ENOX1: variants seen among roughly 807,000 people sequenced by gnomAD.
ENOX1 encodes the protein ecto-NOX disulfide-thiol exchanger 1.
In ENOX1, 42 loss-of-function variants were observed where a neutral mutation model predicts 82.5. The ratio of observed to expected loss-of-function variants is 0.51; its 90% confidence interval spans 0.40 to 0.66. The LOEUF is 0.66. Among genes scored for constraint, ENOX1 ranks in the 30% least tolerant of loss-of-function variants. ENOX1 has a pLI of 0.00. For synonymous variants in ENOX1, 271 were observed against 282.2 expected, an observed-to-expected ratio of 0.96 and a Z score of 0.40; for missense variants, 608 against 811.6, an observed-to-expected ratio of 0.75 and a Z score of 3.05.
chr13:43,744,768 C>T (rs912752128), intron 1 of ENOX1, among the ~76,000 whole-genome samples: 1 of 152,102 alleles, frequency 6.6e-6, no homozygotes, highest in Admixed American at 6.6e-5. Context: ...GCCAACAGTA[C>T]TATAGGGGTC....
intron 5 of ENOX1, among the ~76,000 whole-genome samples, chr13:43,370,110 G>A (rs1394918576): frequency 2.0e-5 from 3 of 152,356 alleles, no homozygotes; most frequent in South Asian, 4.1e-4. Flanking sequence ...GCTCATGCCT[G>A]TAATCCCAGC....
intron 11 of ENOX1, among the ~76,000 whole-genome samples, chr13:43,315,463 G>A (rs929873251): frequency 1.4e-4 from 21 of 150,766 alleles, no homozygotes; most frequent in African/African-American, 4.8e-4. Context: ...TCTCTCCTGT[G>A]TTTAGGAAAG....
chr13:43,327,060 C>G (rs1482423737), intron 9 of ENOX1, among the ~76,000 whole-genome samples: 7 of 152,162 alleles, frequency 4.6e-5, no homozygotes, highest in African/African-American at 1.7e-4. Flanking sequence ...CATGTCTCCC[C>G]TCAATCTCAG....
intron 15 of ENOX1, among the ~76,000 whole-genome samples, chr13:43,227,505 C>T (rs1027001729): frequency 1.1e-4 from 16 of 152,178 alleles, no homozygotes; most frequent in African/African-American, 3.9e-4. Flanking sequence ...CAAGTAGTAA[C>T]AGATCTTTCA....
At chr13:43,266,644 G>T (rs1185558371) in intron 13 of ENOX1, among the ~76,000 whole-genome samples, 2 of 152,246 alleles carry the variant, frequency 1.3e-5, no homozygotes, top group South Asian at 2.1e-4. Flanking sequence ...GGGGAGCATG[G>T]GCGATGTATG....
Position 43,325,785 on chromosome 13 carries a change from C to T in ENOX1, c.1143+634G>A, listed in dbSNP as rs528637746. 3.3e-5 allele frequency among the ~76,000 whole-genome samples: 5 copies of T among 152,202 alleles called. No individual in the cohort carries two copies. The East Asian group carries it at 5.8e-4, about 18-fold the overall frequency. On this transcript the variant is annotated intron_variant, in intron 10 of 16. Transcript: ENST00000690772. ...TGTGGAGTTAAAAATAACAGCTGGA[C>T]GACCAGTGACTAATGACACATTTTG...
rs148856299 is a variant in ENOX1, at chr13:43,754,590, G to GT, written c.-285+32061dup. ...TTGTATCTTTTAATTTTAGCAGCTT[G>GT]TTTTTTTTTTTAGAGACAGGTTCTT... is the stretch of plus-strand genomic sequence containing the variant. On this transcript the variant is annotated intron_variant, in intron 1 of 16. Coordinates refer to ENST00000690772, the MANE Select transcript of ENOX1 (RefSeq NM_001347969.2). Among the ~76,000 whole-genome samples, 126 of 142,656 alleles carry GT rather than the reference G, an allele frequency of 8.8e-4. 1 individual carries two copies. The highest frequency in any genetic ancestry group is 1.2e-3 in the East Asian group (6 of 4,850). The allele number at this position is 142,656 out of a possible 152,430, so 93.6% of individuals were successfully genotyped here.
At chr13:43,671,187 T>C (rs2085250403) in intron 1 of ENOX1, among the ~76,000 whole-genome samples, 1 of 152,214 alleles carries the variant, frequency 6.6e-6, no homozygotes, top group South Asian at 2.1e-4. Context: ...CCTTCCACCA[T>C]GATTCTAAGT....
chr13:43,446,963 A>G (rs1473711478), intron 3 of ENOX1, among the ~76,000 whole-genome samples: 2 of 152,344 alleles, frequency 1.3e-5, no homozygotes, highest in South Asian at 2.1e-4. Context: ...GTAATCAGCA[A>G]GTGGGGTAGC....
At chr13:43,384,220 C>T (rs533165054) in intron 5 of ENOX1, among the ~76,000 whole-genome samples, 1 of 152,202 alleles carries the variant, frequency 6.6e-6, no homozygotes, top group Non-Finnish European at 1.5e-5. Flanking sequence ...ATTATTAACA[C>T]AGCTTTGTTG....
chr13:43,360,555 T>G (rs2050435323), intron 6 of ENOX1, among the ~76,000 whole-genome samples: 1 of 152,160 alleles, frequency 6.6e-6, no homozygotes, highest in South Asian at 2.1e-4. Flanking sequence ...TTGTTATTAT[T>G]CACATTTAAA....
chr13:43,625,383 T>C (rs2082919501), intron 2 of ENOX1, among the ~76,000 whole-genome samples: 1 of 152,040 alleles, frequency 6.6e-6, no homozygotes, highest in Admixed American at 6.6e-5. Flanking sequence ...TGAATAAGAG[T>C]AGTGAGATTG....
intron 1 of ENOX1, among the ~76,000 whole-genome samples, chr13:43,751,565 G>C (rs146637650): frequency 6.6e-6 from 1 of 152,096 alleles, no homozygotes; most frequent in African/African-American, 2.4e-5. Context: ...CCCAGGGAAC[G>C]ACTGATCTGC....
intron 9 of ENOX1, among the ~76,000 whole-genome samples, chr13:43,341,760 C>T (rs1290240721): frequency 6.6e-6 from 1 of 152,160 alleles, no homozygotes; most frequent in Non-Finnish European, 1.5e-5. Context: ...AGCCATTCTC[C>T]ACTCCTGCCT....
intron 2 of ENOX1, among the ~76,000 whole-genome samples, chr13:43,578,493 A>C (rs2153715862): frequency 6.6e-6 from 1 of 152,260 alleles, no homozygotes; most frequent in Non-Finnish European, 1.5e-5. Flanking sequence ...TTAATGACAA[A>C]ATTTACCTAA....
At chr13:43,647,831 T>C (rs1487573213) in intron 2 of ENOX1, among the ~76,000 whole-genome samples, 3 of 152,182 alleles carry the variant, frequency 2.0e-5, no homozygotes, top group African/African-American at 7.2e-5. Flanking sequence ...CCAAGTAAAC[T>C]CAATCTAATC....
In ENOX1 at chr13:43,356,104, C is replaced by T. The variant is rs570720118; in HGVS notation, c.638G>A (p.Arg213His). ...GGCCTGGGCAAAGTCCACATGAAGG[C>T]GGCCTGAATCCTTTTTGTCGGTGCT... ...GSSTDKKDSGRLHVDFAQARD... is the reference protein window; with the variant it reads ...GSSTDKKDSGHLHVDFAQARD... The change falls in exon 8 of 17, where the codon CGC becomes CAC. Residue 213 changes from arginine to histidine, a missense_variant. Arg to His is a conservative substitution (Grantham distance 29). Transcript: ENST00000690772. The T allele has an allele frequency of 4.3e-6, 7 of 1,614,148 alleles. No homozygotes were observed. Among genetic ancestry groups the T allele is most frequent in the East Asian group, 2.2e-5 (1 of 44,874 alleles).
chr13:43,334,542 G>A (rs1351812474), intron 9 of ENOX1, among the ~76,000 whole-genome samples: 1 of 152,140 alleles, frequency 6.6e-6, no homozygotes, highest in Admixed American at 6.5e-5. Context: ...GCTGCAGAGG[G>A]TGCCAAGGGA....
chr13:43,517,760 C>T lies in ENOX1; in HGVS notation c.-218-33608G>A, dbSNP rs535486099. ...TCCAAGGTGATGTTATTCAGTGGTG[C>T]GGGCCTTTGGGAGGTGACTACATCA... is the stretch of plus-strand genomic sequence containing the variant. On this transcript the variant is annotated intron_variant, in intron 2 of 16. Transcript: ENST00000690772. Among the ~76,000 whole-genome samples, 15 of 152,184 alleles carry T rather than the reference C, an allele frequency of 9.9e-5. 1 individual carries two copies. The highest frequency in any genetic ancestry group is 2.6e-4 in the African/African-American group (11 of 41,528).
Sources: gnomAD v4.1 joint callset for allele counts (sites outside exome capture counted in the v4.1 genomes callset) on GRCh38, gnomAD v4.1.1 for gene constraint, MANE v1.5 for transcripts, NCBI Gene and HGNC (gene_info 2026-07-23, HGNC 2026-07-21) for gene names.